Variants in CRCP observed in about 807,000 individuals in gnomAD.
CRCP encodes CGRP receptor component, also known as DNA-directed RNA polymerase III subunit RPC9.
In CRCP, 18 loss-of-function variants were observed where a neutral mutation model predicts 18.5. The ratio of observed to expected loss-of-function variants is 0.97; its 90% CI spans 0.67 to 1.44. The LOEUF (loss-of-function observed/expected upper bound fraction) is 1.44, where lower values mean the gene tolerates loss of function less well. Ranked by LOEUF, CRCP falls within the 40% of genes most tolerant of loss-of-function variation. CRCP has a pLI of 0.00. For missense variants in CRCP, 130 were observed against 176.4 expected (o/e 0.74, Z 1.49); for synonymous variants, 53 against 62.9 (o/e 0.84, Z 0.75).
rs879520392 is a variant in CRCP, at chr7:66,151,695, G to C, written c.298-513G>C. Among the ~76,000 whole-genome samples, 61 of 149,970 alleles carry C rather than the reference G, an allele frequency of 4.1e-4. 1 individual carries two copies. The highest frequency in any genetic ancestry group is 1.3e-3 in the African/African-American group (53 of 40,762). Reference sequence around the variant, plus strand: ...TCTCTGTGTGTGTGTGTGTGTGTGTGTGTGTGTGTGTGTGTGTGTGTGGTT... The same window carrying C: ...TCTCTGTGTGTGTGTGTGTGTGTGTCTGTGTGTGTGTGTGTGTGTGTGGTT... On this transcript the variant is annotated intron_variant, in intron 5 of 5. Coordinates refer to ENST00000395326, the MANE Select transcript of CRCP (RefSeq NM_014478.5).
At position 66,148,742 on chromosome 7, in the gene CRCP, C is replaced by T. The variant is rs1178200382; in HGVS notation, c.297+3242C>T. ...ATCCTGTGACCTCACAGGCCACTGC[C>T]CTGAACAGCACTACCATCTAGGCCT... On this transcript the variant is annotated intron_variant, in intron 5 of 5. Coordinates refer to ENST00000395326, the MANE Select transcript of CRCP (RefSeq NM_014478.5). 2.0e-5 allele frequency among the ~76,000 whole-genome samples: 3 copies of T among 152,340 alleles called. No individual in the cohort carries two copies. In the East Asian group the frequency reaches 5.8e-4, roughly 29 times the overall value.
intron 1 of CRCP, among the ~76,000 whole-genome samples, chr7:66,124,210 A>T (rs558800742): frequency 8.0e-5 from 12 of 150,400 alleles, no homozygotes; most frequent in African/African-American, 2.9e-4. Flanking sequence ...AAATACAAAA[A>T]ATTAGCCGGG....
Position 66,124,335 on chromosome 7 carries a change from G to T in CRCP, c.9-3369G>T, listed in dbSNP as rs532516889. ...AGATCGCACCATTGCACTCCAGCCT[G>T]GGAGACAGAGCGAGACTCCTTCTCA... On this transcript the variant is annotated intron_variant, in intron 1 of 5. Coordinates refer to ENST00000395326, the MANE Select transcript of CRCP (RefSeq NM_014478.5). Among the ~76,000 whole-genome samples the T allele has an allele frequency of 4.6e-5, 7 of 152,082 alleles. No homozygotes were observed. In the East Asian group the frequency reaches 1.2e-3, roughly 25 times the overall value.
At chr7:66,116,874 A>C (rs1787280924) in intron 1 of CRCP, among the ~76,000 whole-genome samples, 1 of 152,148 alleles carries the variant, frequency 6.6e-6, no homozygotes, top group African/African-American at 2.4e-5. Flanking sequence ...TAATCGCAGC[A>C]CTTTAGGAGG....
intron 1 of CRCP, among the ~76,000 whole-genome samples, chr7:66,115,355 G>T (rs528714401): frequency 6.6e-6 from 1 of 152,216 alleles, no homozygotes; most frequent in Non-Finnish European, 1.5e-5. Flanking sequence ...CTGAAAGTAG[G>T]TGGAGGAGAG....
chr7:66,117,814 T>TACAACTTGCCACTCTCCCAACCTC (rs1457004102), intron 1 of CRCP, among the ~76,000 whole-genome samples: 1 of 152,112 alleles, frequency 6.6e-6, no homozygotes, highest in East Asian at 1.9e-4. Flanking sequence ...TCCCCAGCCT[T>TACAACTTGCCACTCTCCCAACCTC]ACCACTTGCC....
chr7:66,130,373 G>T, intron 2 of CRCP: 1 of 182,012 alleles, frequency 5.5e-6, no homozygotes. Flanking sequence ...CTAAGTGCTG[G>T]GATTACAGGC....
chr7:66,148,239 G>A (rs566861988), intron 5 of CRCP, among the ~76,000 whole-genome samples: 2 of 152,290 alleles, frequency 1.3e-5, no homozygotes, highest in South Asian at 4.1e-4. Flanking sequence ...GCGGGCACCT[G>A]TAATCCCAGC....
chr7:66,152,298 G>A lies in CRCP; in HGVS notation c.388G>A (p.Ala130Thr). 1 of 1,614,170 alleles carries A rather than the reference G, an allele frequency of 6.2e-7. No individual in the cohort carries two copies. Among genetic ancestry groups the A allele is most frequent in the Non-Finnish European group, 8.5e-7 (1 of 1,180,042 alleles). ...CAGCATTCTGCCTGCAGAGCCAGAG[G>A]CTGAGCAGAAGAAGAATACAAACAG... is the stretch of plus-strand genomic sequence containing the variant. Reference protein sequence around the residue: ...VTSILPAEPEAEQKKNTNSNV... With the variant: ...VTSILPAEPETEQKKNTNSNV... The change falls in exon 6 of 6, where the codon GCT becomes ACT. Residue 130 changes from alanine (A) to threonine (T), a missense_variant. Coordinates refer to ENST00000395326, the MANE Select transcript of CRCP (RefSeq NM_014478.5).
At chr7:66,146,385 A>G (rs1788299435) in intron 5 of CRCP, among the ~76,000 whole-genome samples, 1 of 151,924 alleles carries the variant, frequency 6.6e-6, no homozygotes, top group South Asian at 2.1e-4. Context: ...CTGCCTTCTT[A>G]TTACAGGGCA....
rs770164455 is a variant in CRCP, at chr7:66,130,742, A to G, written c.46-2A>G. 10 of 1,572,334 alleles carry G rather than the reference A, an allele frequency of 6.4e-6. No homozygotes were observed. In the East Asian group the frequency reaches 1.6e-4, roughly 25 times the overall value. On this transcript the variant is annotated splice_acceptor_variant, in intron 2 of 5. Transcript: ENST00000395326. LOFTEE classifies it high-confidence loss of function. ...AAACGTCTTTTTTGTATCTCCTCCT[A>G]GGTATTTCAGTTACTAACTGATCTG...
At chr7:66,123,932 C>G (rs13308751) in intron 1 of CRCP, among the ~76,000 whole-genome samples, 15,333 of 148,608 alleles carry the variant, frequency 0.1, 965 homozygotes, top group South Asian at 0.2. Context: ...GTAGTCCCAG[C>G]TACTCCAGAG....
chr7:66,127,782 T>C (rs1787659927), intron 2 of CRCP, 42 bp downstream of exon 2: 1 of 1,602,598 alleles, frequency 6.2e-7, no homozygotes, highest in East Asian at 2.2e-5. Context: ...TAGTTTGCCC[T>C]TCGCTCCTGA....
chr7:66,135,540 C>CT (rs1283800810), intron 4 of CRCP, among the ~76,000 whole-genome samples: 2 of 152,040 alleles, frequency 1.3e-5, no homozygotes, highest in East Asian at 3.9e-4. Flanking sequence ...CAAAATTATA[C>CT]TTTAAGTTCT....
intron 4 of CRCP, among the ~76,000 whole-genome samples, chr7:66,144,871 C>T (rs144803489): frequency 2.6e-5 from 4 of 152,170 alleles, no homozygotes; most frequent in South Asian, 2.1e-4. Flanking sequence ...CGTCCTGGGC[C>T]GGGCACGGTG....
Position 66,114,866 on chromosome 7 carries a change from G to C in CRCP, c.-97G>C. The stretch of plus-strand genomic sequence containing the variant: ...GATCCCGGCGAGCACCTTGGCGCGC[G>C]GAGCTGGCACCTTGGCGCTGTTGGT... On this transcript the variant is annotated 5_prime_UTR_variant, in exon 1 of 6. Transcript: ENST00000395326. 1 of 1,600,376 alleles carries C rather than the reference G, an allele frequency of 6.2e-7. No individual in the cohort carries two copies. Among genetic ancestry groups the C allele is most frequent in the Non-Finnish European group, 8.6e-7 (1 of 1,169,124 alleles).
chr7:66,141,238 T>A (rs1310274925), intron 4 of CRCP, among the ~76,000 whole-genome samples: 1 of 152,222 alleles, frequency 6.6e-6, no homozygotes. Flanking sequence ...GTTATACTCT[T>A]GTAGTTATTT....
At chr7:66,146,202 G>A (rs1267770355) in intron 5 of CRCP, among the ~76,000 whole-genome samples, 1 of 152,090 alleles carries the variant, frequency 6.6e-6, no homozygotes, top group African/African-American at 2.4e-5. Flanking sequence ...CCATTTCCCT[G>A]CATAAACCGT....
chr7:66,122,556 G>T (rs78985891), intron 1 of CRCP, among the ~76,000 whole-genome samples: 1 of 151,910 alleles, frequency 6.6e-6, no homozygotes, highest in African/African-American at 2.4e-5. Flanking sequence ...GTGTCAAATG[G>T]AAAGTCAGCT....
Sources: allele counts gnomAD v4.1 joint callset (sites outside exome capture counted in the v4.1 genomes callset), GRCh38; gene constraint gnomAD v4.1.1; transcripts MANE v1.5; gene names NCBI Gene and HGNC (gene_info 2026-07-23, HGNC 2026-07-21).